Variants in ARHGAP17 observed in about 807,000 individuals in gnomAD.
The protein encoded by ARHGAP17 is Rho GTPase activating protein 17.
ARHGAP17 carries 57 observed loss-of-function variants against 99.5 expected under a neutral mutation model. The ratio of observed to expected loss-of-function variants is 0.57; its 90% CI spans 0.46 to 0.71. The LOEUF (loss-of-function observed/expected upper bound fraction) is 0.71, where lower values mean the gene tolerates loss of function less well. ARHGAP17 is among the 30% of genes least tolerant of loss of function. The pLI is 0.00. For synonymous variants in ARHGAP17, 417 were observed against 429.6 expected (o/e 0.97, Z 0.36); for missense variants, 1,000 against 1,122.4 (o/e 0.89, Z 1.56).
At chr16:24,973,180 T>C (rs982771706) in intron 3 of ARHGAP17, among the ~76,000 whole-genome samples, 2 of 152,244 alleles carry the variant, frequency 1.3e-5, no homozygotes, top group African/African-American at 4.8e-5. Context: ...GTAAAATGCA[T>C]GCCAATCGCA....
chr16:24,951,002 G>A (rs536333073), intron 12 of ARHGAP17, among the ~76,000 whole-genome samples: 4 of 152,322 alleles, frequency 2.6e-5, no homozygotes, highest in African/African-American at 4.8e-5. Flanking sequence ...AGACGGGGAA[G>A]AGGACAGAAC....
intron 1 of ARHGAP17, among the ~76,000 whole-genome samples, chr16:24,997,377 A>C (rs535053109): frequency 1.7e-4 from 25 of 147,968 alleles, no homozygotes; most frequent in African/African-American, 6.3e-4. Flanking sequence ...GGTGCAAGGC[A>C]CCCAGTACAC....
intron 1 of ARHGAP17, 149 bp downstream of exon 1, chr16:25,015,060 C>T: frequency 1.3e-6 from 1 of 776,158 alleles, no homozygotes; most frequent in Non-Finnish European, 1.6e-6. Context: ...CAGCGCGGCG[C>T]AGCCCCCGGG....
At chr16:24,950,836 CAAAAAAA>C (rs1177614713) in intron 12 of ARHGAP17, among the ~76,000 whole-genome samples, 17 of 39,434 alleles carry the variant, frequency 4.3e-4, no homozygotes, top group South Asian at 1.8e-3. Context: ...GACTCCAACT[CAAAAAAA>C]AAAAAAAAAA....
At chr16:24,972,742 C>T (rs1220050686) in intron 3 of ARHGAP17, 2 of 152,168 alleles carry the variant, frequency 1.3e-5, no homozygotes, top group African/African-American at 4.8e-5. Context: ...AAGCATCACT[C>T]AAGATGGCAG....
At chr16:25,012,400 T>C (rs754976940) in intron 1 of ARHGAP17, among the ~76,000 whole-genome samples, 2 of 152,176 alleles carry the variant, frequency 1.3e-5, no homozygotes, top group Non-Finnish European at 2.9e-5. Flanking sequence ...GAGGAGAATA[T>C]CTCACTGCAA....
At chr16:24,999,662 C>T (rs960911697) in intron 1 of ARHGAP17, among the ~76,000 whole-genome samples, 1 of 152,088 alleles carries the variant, frequency 6.6e-6, no homozygotes, top group African/African-American at 2.4e-5. Context: ...CTCAAATGAC[C>T]CTCCTGCCTC....
intron 3 of ARHGAP17, 59 bp downstream of exon 3, chr16:24,977,156 G>A (rs1243251124): frequency 6.6e-6 from 9 of 1,370,190 alleles, no homozygotes; most frequent in East Asian, 2.6e-5. Context: ...CCAATCCAGG[G>A]GTTGAAAAGC....
chr16:24,954,608 C>G lies in ARHGAP17; in HGVS notation c.847G>C (p.Glu283Gln). The G allele has an allele frequency of 6.2e-7, 1 of 1,613,406 alleles. No individual in the cohort carries two copies. The highest frequency in any genetic ancestry group is 8.5e-7 in the Non-Finnish European group (1 of 1,179,652). ...GATCACGAAGCTCCCCTCACCTCCT[C>G]CTTCATGCCTGTCTCCAGAAGCAGC... is the stretch of plus-strand genomic sequence containing the variant. ...VMLLLETGMKEEGLFRIGAGA... is the reference protein window; with the variant it reads ...VMLLLETGMKQEGLFRIGAGA... Residue 283 changes from glutamate (E) to glutamine (Q), a missense_variant, in exon 10 of 20, where the codon GAG becomes CAG. By Grantham distance (29) the Glu-to-Gln change is conservative (BLOSUM62 2). Around this residue, in one of 2 missense-constraint regions of ARHGAP17, gnomAD observed 472 missense variants for 611.1 expected, o/e 0.77. Transcript: ENST00000289968.
At chr16:24,940,021 CA>C (rs1185150384) in intron 16 of ARHGAP17, 2 of 186,134 alleles carry the variant, frequency 1.1e-5, no homozygotes, top group African/African-American at 4.8e-5. Flanking sequence ...TGGGCTCAAA[CA>C]ATCCTCCAGC....
chr16:25,013,565 T>A (rs1374330383), intron 1 of ARHGAP17, among the ~76,000 whole-genome samples: 1 of 150,618 alleles, frequency 6.6e-6, no homozygotes, highest in Non-Finnish European at 1.5e-5. Flanking sequence ...AAGGCTGCAA[T>A]GAGACAAGAT....
chr16:24,960,629 AAC>A (rs2051962449), intron 7 of ARHGAP17, among the ~76,000 whole-genome samples: 2 of 151,788 alleles, frequency 1.3e-5, no homozygotes, highest in South Asian at 2.1e-4. Flanking sequence ...CATCCTGACT[AAC>A]ACAGTGAAAC....
At chr16:25,009,846 T>C (rs1461830401) in intron 1 of ARHGAP17, among the ~76,000 whole-genome samples, 2 of 152,142 alleles carry the variant, frequency 1.3e-5, no homozygotes, top group Non-Finnish European at 2.9e-5. Flanking sequence ...AGGGTGGCTA[T>C]GAGAATGCAA....
At chr16:24,985,261 C>G (rs2052828056) in intron 1 of ARHGAP17, among the ~76,000 whole-genome samples, 1 of 152,138 alleles carries the variant, frequency 6.6e-6, no homozygotes, top group Admixed American at 6.5e-5. Context: ...GATTTGTTTC[C>G]TATTGCTGCT....
At chr16:24,969,894 T>C (rs2052309139) in intron 4 of ARHGAP17, among the ~76,000 whole-genome samples, 1 of 152,236 alleles carries the variant, frequency 6.6e-6, no homozygotes, top group Non-Finnish European at 1.5e-5. Context: ...GGCCTCGTCC[T>C]GCTGGGAAGC....
Position 24,968,726 on chromosome 16 carries a change from C to G in ARHGAP17, c.319G>C (p.Glu107Gln). ...ACAAAGACTTCGTGCTGGGAGAGCTCGAGAGCCAGCTGATTCTCAGCATCT... is the reference window on the plus strand; with the variant it reads ...ACAAAGACTTCGTGCTGGGAGAGCTGGAGAGCCAGCTGATTCTCAGCATCT... ...CGDAENQLAL[E>Q]LSQHEVFVEK... Residue 107 changes from glutamate (E) to glutamine (Q), a missense_variant, in exon 5 of 20, where the codon GAG becomes CAG. Physicochemically the swap from Glu to Gln is conservative, Grantham distance 29. Around this residue, in one of 2 missense-constraint regions of ARHGAP17, gnomAD observed 472 missense variants for 611.1 expected, o/e 0.77. Coordinates refer to ENST00000289968, the MANE Select transcript of ARHGAP17 (RefSeq NM_001006634.3). 6.2e-7 allele frequency: 1 copy of G among 1,614,204 alleles called. No individual in the cohort carries two copies. Among genetic ancestry groups the G allele is most frequent in the East Asian group, 2.2e-5 (1 of 44,880 alleles).
At chr16:24,964,584 C>T (rs2052115691) in intron 6 of ARHGAP17, among the ~76,000 whole-genome samples, 1 of 151,978 alleles carries the variant, frequency 6.6e-6, no homozygotes, top group African/African-American at 2.4e-5. Flanking sequence ...ACAAACTCTA[C>T]TACTGGAGAG....
chr16:24,972,421 G>A (rs1475410506), intron 3 of ARHGAP17, among the ~76,000 whole-genome samples: 2 of 152,126 alleles, frequency 1.3e-5, no homozygotes, highest in Non-Finnish European at 2.9e-5. Context: ...GTCTCACTAT[G>A]TTGCCCAGGC....
chr16:25,009,132 A>C (rs1420881724), intron 1 of ARHGAP17, among the ~76,000 whole-genome samples: 1 of 152,180 alleles, frequency 6.6e-6, no homozygotes, highest in Non-Finnish European at 1.5e-5. Context: ...TTGGGAGGCC[A>C]AGGTGGGTGG....
Sources: allele counts gnomAD v4.1 joint callset (sites outside exome capture counted in the v4.1 genomes callset), GRCh38; gene constraint gnomAD v4.1.1; regional missense constraint gnomAD v4.1.1; transcripts MANE v1.5; gene names NCBI Gene and HGNC (gene_info 2026-07-23, HGNC 2026-07-21).